Variants in GRM5 observed in about 807,000 individuals in gnomAD.
GRM5 encodes the protein metabotropic glutamate receptor 5.
A neutral mutation model predicts 83.1 loss-of-function variants in GRM5; 19 were observed. The observed-to-expected ratio is 0.23, with a 90% CI of 0.16 to 0.34. GRM5 has a LOEUF of 0.34. Among genes scored for constraint, GRM5 ranks in the 10% least tolerant of loss-of-function variants. The pLI, the probability that GRM5 is intolerant of heterozygous loss-of-function variation, is 1.00. For missense variants in GRM5, 1,160 were observed against 1,588.3 expected (o/e 0.73, Z 4.58); for synonymous variants, 675 against 633.6 (o/e 1.07, Z -0.98).
chr11:88,517,466 TTGAAGAATCA>T (rs1267537281), intron 9 of GRM5, among the ~76,000 whole-genome samples: 1 of 152,150 alleles, frequency 6.6e-6, no homozygotes, highest in Non-Finnish European at 1.5e-5. Context: ...AACATTTGTG[TTGAAGAATCA>T]GTTCAAACTA....
chr11:88,986,045 T>A (rs2135033284), intron 2 of GRM5, among the ~76,000 whole-genome samples: 1 of 152,190 alleles, frequency 6.6e-6, no homozygotes, highest in Admixed American at 6.5e-5. Flanking sequence ...AAATGAAAAA[T>A]TATATTTACA....
At chr11:88,808,265 T>C (rs746397510) in intron 3 of GRM5, among the ~76,000 whole-genome samples, 1 of 152,056 alleles carries the variant, frequency 6.6e-6, no homozygotes, top group Non-Finnish European at 1.5e-5. Context: ...TAATCTCTAA[T>C]AGCAAGATAT....
intron 2 of GRM5, among the ~76,000 whole-genome samples, chr11:88,899,804 C>T (rs594561): frequency 0.49 from 74,280 of 151,756 alleles, 19,367 homozygotes; most frequent in South Asian, 0.65. Flanking sequence ...CATTTCTTTG[C>T]ATAAATAAGG....
intron 3 of GRM5, among the ~76,000 whole-genome samples, chr11:88,678,103 G>A (rs556256141): frequency 2.1e-4 from 32 of 149,814 alleles, no homozygotes; most frequent in African/African-American, 3.4e-4. Flanking sequence ...CTGTCTCCCC[G>A]GCTGGAGTAC....
intron 7 of GRM5, among the ~76,000 whole-genome samples, chr11:88,575,823 T>A (rs566344394): frequency 1.6e-4 from 25 of 152,098 alleles, no homozygotes; most frequent in South Asian, 4.1e-4. Flanking sequence ...CTATTCCCCA[T>A]CCTTCAAGGT....
rs536842087 is a variant in GRM5 at position 88,601,707 on chromosome 11, G to A, written c.1394+3011C>T. On this transcript the variant is annotated intron_variant, in intron 5 of 9. Coordinates refer to ENST00000305447, the MANE Select transcript of GRM5 (RefSeq NM_001143831.3). ...ACTCAGTCTAACATTGGGTGTCCAC[G>A]TTTCCTCTGCCTATTATGGTCAATT... is the stretch of plus-strand genomic sequence containing the variant. Among the ~76,000 whole-genome samples, 48 of 152,162 alleles carry A rather than the reference G, an allele frequency of 3.2e-4. 1 individual carries two copies. The South Asian group carries it at 9.3e-3, about 30-fold the overall frequency.
intron 3 of GRM5, among the ~76,000 whole-genome samples, chr11:88,849,393 G>T (rs1011269331): frequency 1.3e-4 from 19 of 151,950 alleles, no homozygotes; most frequent in African/African-American, 4.6e-4. Flanking sequence ...CTGGTATTTT[G>T]GTATCTTGTC....
chr11:88,856,394 G>A lies in GRM5; in HGVS notation c.662-6239C>T, dbSNP rs79659387. Among the ~76,000 whole-genome samples, 5 of 152,080 alleles carry A rather than the reference G, an allele frequency of 3.3e-5. No homozygotes were observed. In the East Asian group the frequency reaches 5.8e-4, roughly 18 times the overall value. Reference sequence around the variant, plus strand: ...ACAGGCCAGGATTGTCAATATCACTGCCTTTCACGTCCACTTCCACATATT... The same window carrying A: ...ACAGGCCAGGATTGTCAATATCACTACCTTTCACGTCCACTTCCACATATT... On this transcript the variant is annotated intron_variant, in intron 2 of 9. Coordinates refer to ENST00000305447, the MANE Select transcript of GRM5 (RefSeq NM_001143831.3).
At chr11:88,760,736 C>A (rs1259379785) in intron 3 of GRM5, among the ~76,000 whole-genome samples, 1 of 150,328 alleles carries the variant, frequency 6.7e-6, no homozygotes, top group African/African-American at 2.4e-5. Context: ...ATACCAAAAT[C>A]TCACAGAGAT....
intron 3 of GRM5, among the ~76,000 whole-genome samples, chr11:88,745,085 TA>T (rs554608563): frequency 1.2e-3 from 186 of 152,228 alleles, no homozygotes; most frequent in African/African-American, 3.4e-3. Flanking sequence ...CTTCACAAGT[TA>T]TATAGTCAAG....
chr11:88,731,887 A>G (rs1222514208), intron 3 of GRM5, among the ~76,000 whole-genome samples: 3 of 152,058 alleles, frequency 2.0e-5, no homozygotes, highest in Admixed American at 1.3e-4. Context: ...CTTTTAGGCT[A>G]TAAAAAGGGT....
intron 2 of GRM5, among the ~76,000 whole-genome samples, chr11:88,996,124 C>A (rs142004526): frequency 1.3e-5 from 2 of 152,152 alleles, no homozygotes; most frequent in Non-Finnish European, 2.9e-5. Flanking sequence ...TATCACCCAA[C>A]GTATTAGTTT....
intron 2 of GRM5, among the ~76,000 whole-genome samples, chr11:88,929,435 T>C (rs1937636465): frequency 1.3e-5 from 2 of 152,094 alleles, no homozygotes; most frequent in African/African-American, 4.8e-5. Context: ...GGAAATTTAG[T>C]TTTTCATATT....
chr11:88,887,726 G>T (rs1354853182), intron 2 of GRM5, among the ~76,000 whole-genome samples: 1 of 152,100 alleles, frequency 6.6e-6, no homozygotes, highest in Non-Finnish European at 1.5e-5. Context: ...CTTTCTAGAT[G>T]GGTACCATAT....
In GRM5 at chr11:88,522,603, C is replaced by CTGTG. The variant is rs55777647; in HGVS notation, c.2726+2702_2726+2705dup. On this transcript the variant is annotated intron_variant, in intron 9 of 9. Transcript: ENST00000305447. ...TCTCTCTCTCGCTCTCTCTCTCTCT[C>CTGTG]TGTGTGTGTGTGTGTGTGTGTGTGT... 7.4e-3 allele frequency among the ~76,000 whole-genome samples: 939 copies of CTGTG among 127,230 alleles called. 11 individuals carry two copies. Among genetic ancestry groups the CTGTG allele is most frequent in the African/African-American group, 0.014 (506 of 35,192 alleles). The allele number at this position is 127,230 out of a possible 152,430, so 83.5% of individuals were successfully genotyped here. A position where few individuals can be genotyped will look rare whatever the true frequency, so the allele number is the denominator to read the frequency against.
intron 4 of GRM5, among the ~76,000 whole-genome samples, chr11:88,606,593 T>C (rs1938148453): frequency 6.6e-6 from 1 of 152,182 alleles, no homozygotes; most frequent in Non-Finnish European, 1.5e-5. Context: ...CATTGAAGTG[T>C]TGAGGCTAGG....
At chr11:88,704,001 C>T (rs981673801) in intron 3 of GRM5, among the ~76,000 whole-genome samples, 1 of 152,002 alleles carries the variant, frequency 6.6e-6, no homozygotes, top group Non-Finnish European at 1.5e-5. Context: ...AGTTAAGGCC[C>T]TAGTAGCTTC....
chr11:88,637,053 A>G (rs1383041653), intron 4 of GRM5, among the ~76,000 whole-genome samples: 1 of 152,018 alleles, frequency 6.6e-6, no homozygotes, highest in East Asian at 1.9e-4. Flanking sequence ...TTGGTTCCAT[A>G]TGAACTTTAA....
chr11:88,509,595 G>A (rs1043374272), intron 9 of GRM5, 91 bp from the exon 10 acceptor site: 11 of 769,524 alleles, frequency 1.4e-5, no homozygotes, highest in Admixed American at 1.4e-4. Flanking sequence ...CATGGGCCCC[G>A]GACTGGGGAG....
Sources: gnomAD v4.1 joint callset for allele counts (sites outside exome capture counted in the v4.1 genomes callset) on GRCh38, gnomAD v4.1.1 for gene constraint, MANE v1.5 for transcripts, NCBI Gene and HGNC (gene_info 2026-07-23, HGNC 2026-07-21) for gene names.